The following LDB2 variants were observed in gnomAD, a reference collection of about 807,000 sequenced individuals.
The protein encoded by LDB2 is LIM domain-binding protein 2.
In LDB2, 12 loss-of-function variants were observed where a neutral mutation model predicts 44.3. The ratio of observed to expected loss-of-function variants is 0.27; its 90% CI spans 0.17 to 0.44. The LOEUF is 0.44. LDB2 is among the 20% of genes least tolerant of loss of function. LDB2 has a pLI of 1.00. For synonymous variants in LDB2, 164 were observed against 174.8 expected (o/e 0.94, Z 0.49); for missense variants, 344 against 473.5 (o/e 0.73, Z 2.54).
chr4:16,576,864 C>T (rs1711839294), intron 5 of LDB2, among the ~76,000 whole-genome samples: 2 of 152,098 alleles, frequency 1.3e-5, no homozygotes, highest in Non-Finnish European at 2.9e-5. Flanking sequence ...CTCAACAGCA[C>T]ATTAAAAAGA....
At chr4:16,631,666 T>A (rs1268255799) in intron 2 of LDB2, among the ~76,000 whole-genome samples, 2 of 151,774 alleles carry the variant, frequency 1.3e-5, no homozygotes, top group Non-Finnish European at 2.9e-5. Context: ...TTTGAAAAGA[T>A]AACAAAATAG....
At chr4:16,753,938 G>A (rs1331761639) in intron 2 of LDB2, among the ~76,000 whole-genome samples, 1 of 152,176 alleles carries the variant, frequency 6.6e-6, no homozygotes, top group Non-Finnish European at 1.5e-5. Flanking sequence ...GGATGAAAGC[G>A]CTGCCAAAAA....
chr4:16,800,062 C>T (rs956608586), intron 1 of LDB2, among the ~76,000 whole-genome samples: 6 of 151,820 alleles, frequency 4.0e-5, no homozygotes, highest in African/African-American at 7.3e-5. Context: ...AGGTCCGGGA[C>T]GGGAAAGCTC....
intron 1 of LDB2, among the ~76,000 whole-genome samples, chr4:16,781,974 C>A (rs574713776): frequency 6.6e-6 from 1 of 152,258 alleles, no homozygotes; most frequent in South Asian, 2.1e-4. Context: ...TCAGAAGGAA[C>A]CAAGGCTGCT....
intron 5 of LDB2, among the ~76,000 whole-genome samples, chr4:16,569,164 C>A (rs184382422): frequency 6.6e-6 from 1 of 152,088 alleles, no homozygotes; most frequent in Non-Finnish European, 1.5e-5. Context: ...GAATCCAAGG[C>A]GAAAGTTGGA....
At chr4:16,614,874 T>A (rs926865071) in intron 2 of LDB2, among the ~76,000 whole-genome samples, 9 of 150,276 alleles carry the variant, frequency 6.0e-5, no homozygotes, top group African/African-American at 2.0e-4. Flanking sequence ...ATCGAGACCA[T>A]CCCGGCTAAA....
intron 2 of LDB2, chr4:16,726,326 G>A (rs2152690196): frequency 6.6e-6 from 1 of 152,208 alleles, no homozygotes; most frequent in Non-Finnish European, 1.5e-5. Flanking sequence ...CTGAGTCTTG[G>A]GTTCTTACCT....
chr4:16,665,385 C>A (rs1392309260), intron 2 of LDB2, among the ~76,000 whole-genome samples: 1 of 151,140 alleles, frequency 6.6e-6, no homozygotes, highest in Admixed American at 6.6e-5. Context: ...CCTGCCTCAG[C>A]CTCCTGAGTA....
intron 2 of LDB2, among the ~76,000 whole-genome samples, chr4:16,749,046 G>A (rs1764922848): frequency 6.6e-6 from 1 of 152,136 alleles, no homozygotes; most frequent in African/African-American, 2.4e-5. Context: ...AAATAAATAG[G>A]TGTTTCCACT....
intron 2 of LDB2, among the ~76,000 whole-genome samples, chr4:16,702,735 C>CT (rs1475383530): frequency 1.3e-5 from 2 of 152,280 alleles, no homozygotes; most frequent in East Asian, 3.9e-4. Flanking sequence ...TCCCACCAGC[C>CT]TTTGCAGACA....
intron 2 of LDB2, among the ~76,000 whole-genome samples, chr4:16,629,818 A>C (rs1222557364): frequency 1.3e-5 from 2 of 152,058 alleles, no homozygotes; most frequent in Non-Finnish European, 2.9e-5. Flanking sequence ...CGATTCAATC[A>C]AGCGGAAGAA....
chr4:16,613,196 AT>A (rs1726173283), intron 2 of LDB2, among the ~76,000 whole-genome samples: 1 of 152,252 alleles, frequency 6.6e-6, no homozygotes, highest in Admixed American at 6.5e-5. Flanking sequence ...AAACTTAGGT[AT>A]TGATGGAACA....
intron 5 of LDB2, among the ~76,000 whole-genome samples, chr4:16,570,459 T>C (rs1328244257): frequency 2.0e-4 from 2 of 10,184 alleles, no homozygotes; most frequent in Admixed American, 3.9e-3. Context: ...CAAGACTCTG[T>C]CTCAAAAAAA....
rs925175443 is a variant in LDB2 at position 16,880,994 on chromosome 4, G to C, written c.132+17360C>G. Among the ~76,000 whole-genome samples the C allele has an allele frequency of 1.4e-4, 21 of 151,986 alleles. 1 individual carries two copies. The highest frequency in any genetic ancestry group is 1.3e-3 in the Admixed American group (20 of 15,288). On this transcript the variant is annotated intron_variant, in intron 1 of 7. Coordinates refer to ENST00000304523, the MANE Select transcript of LDB2 (RefSeq NM_001290.5). ...TCCTTGGTGCTATGACTCTCACAGT[G>C]GTGTGACCCTCACAGTGGATTCTCA...
At chr4:16,842,899 T>TA (rs1247108092) in intron 1 of LDB2, among the ~76,000 whole-genome samples, 1 of 152,176 alleles carries the variant, frequency 6.6e-6, no homozygotes, top group Non-Finnish European at 1.5e-5. Context: ...ATTAAATGAG[T>TA]AAATGTATAT....
At chr4:16,514,896 A>C (rs1292930778) in intron 5 of LDB2, among the ~76,000 whole-genome samples, 2 of 152,214 alleles carry the variant, frequency 1.3e-5, no homozygotes, top group Non-Finnish European at 2.9e-5. Context: ...CTCTGTGTGC[A>C]TTACTCTGTT....
intron 2 of LDB2, among the ~76,000 whole-genome samples, chr4:16,757,794 C>A (rs1766985698): frequency 6.6e-6 from 1 of 152,108 alleles, no homozygotes; most frequent in Non-Finnish European, 1.5e-5. Context: ...TTGGGGGCAC[C>A]CACACACCGG....
At chr4:16,743,644 C>T (rs1033962944) in intron 2 of LDB2, among the ~76,000 whole-genome samples, 1 of 152,030 alleles carries the variant, frequency 6.6e-6, no homozygotes, top group Non-Finnish European at 1.5e-5. Context: ...GAGGGGACCC[C>T]CATGCCAGGG....
intron 2 of LDB2, among the ~76,000 whole-genome samples, chr4:16,688,150 G>A (rs376571676): frequency 6.6e-6 from 1 of 152,188 alleles, no homozygotes; most frequent in Non-Finnish European, 1.5e-5. Flanking sequence ...GGACCTTAAA[G>A]TTCGCATTGT....
Sources: allele counts gnomAD v4.1 joint callset (sites outside exome capture counted in the v4.1 genomes callset), GRCh38; gene constraint gnomAD v4.1.1; transcripts MANE v1.5; gene names NCBI Gene and HGNC (gene_info 2026-07-23, HGNC 2026-07-21).